TECPR2: variants seen among roughly 807,000 people sequenced by gnomAD.
TECPR2 encodes tectonin beta-propeller repeat-containing protein 2.
TECPR2 carries 65 observed loss-of-function variants against 138.1 expected under a neutral mutation model. The ratio of observed to expected loss-of-function variants is 0.47; its 90% confidence interval spans 0.39 to 0.58. The LOEUF is 0.58. Among genes scored for constraint, TECPR2 ranks in the 20% least tolerant of loss-of-function variants. TECPR2 has a pLI of 0.00. For missense variants in TECPR2, 1,553 were observed against 1,824.5 expected (o/e 0.85, Z 2.71); for synonymous variants, 746 against 749.8 (o/e 0.99, Z 0.08).
Position 102,401,019 on chromosome 14 carries a change from T to A in TECPR2, c.220-6319T>A, listed in dbSNP as rs369958369. Reference sequence around the variant, plus strand: ...TTGCACTCCAGCCTGGGCAACAGAGTGAGACTCGTCGCAAAAAAAAAGGAA... The same window carrying A: ...TTGCACTCCAGCCTGGGCAACAGAGAGAGACTCGTCGCAAAAAAAAAGGAA... On this transcript the variant is annotated intron_variant, in intron 2 of 19. Transcript: ENST00000359520. 8.2e-5 allele frequency among the ~76,000 whole-genome samples: 12 copies of A among 146,780 alleles called. 1 individual carries two copies. The highest frequency in any genetic ancestry group is 4.2e-4 in the East Asian group (2 of 4,762).
intron 17 of TECPR2, among the ~76,000 whole-genome samples, chr14:102,485,112 C>G (rs1217700835): frequency 6.6e-6 from 1 of 152,252 alleles, no homozygotes; most frequent in Non-Finnish European, 1.5e-5. Context: ...GCGCTGAGCA[C>G]CATGGTGCAG....
intron 12 of TECPR2, among the ~76,000 whole-genome samples, chr14:102,445,374 G>T (rs1371658119): frequency 1.3e-5 from 2 of 150,188 alleles, no homozygotes; most frequent in Admixed American, 1.3e-4. Flanking sequence ...CCTTGGATTG[G>T]CGGGGGAAGG....
intron 1 of TECPR2, among the ~76,000 whole-genome samples, chr14:102,366,106 C>T (rs2139644873): frequency 6.6e-6 from 1 of 152,210 alleles, no homozygotes; most frequent in East Asian, 1.9e-4. Context: ...TATTGTACAG[C>T]GAAGTGGATG....
At chr14:102,374,165 T>A (rs1193586817) in intron 1 of TECPR2, among the ~76,000 whole-genome samples, 1 of 151,990 alleles carries the variant, frequency 6.6e-6, no homozygotes, top group African/African-American at 2.4e-5. Flanking sequence ...ATTCCAGCAT[T>A]GAATTGGGGT....
chr14:102,483,941 C>T (rs1265197390), intron 17 of TECPR2, among the ~76,000 whole-genome samples: 1 of 104,004 alleles, frequency 9.6e-6, no homozygotes, highest in Non-Finnish European at 2.0e-5. Context: ...GGATTATAGG[C>T]ACCTGCCACC....
intron 7 of TECPR2, among the ~76,000 whole-genome samples, chr14:102,431,422 A>C (rs1413732681): frequency 6.8e-6 from 1 of 146,354 alleles, no homozygotes; most frequent in Admixed American, 7.1e-5. Context: ...GGCTCACTGC[A>C]AGCTTTGCCT....
chr14:102,369,910 G>A (rs1287901357), intron 1 of TECPR2, among the ~76,000 whole-genome samples: 4 of 151,854 alleles, frequency 2.6e-5, no homozygotes, highest in Admixed American at 2.0e-4. Context: ...AGCCGAGATC[G>A]CATCACTGTA....
chr14:102,376,908 C>G lies in TECPR2; in HGVS notation c.187C>G (p.His63Asp). The G allele has an allele frequency of 1.2e-6, 2 of 1,614,110 alleles. No individual in the cohort carries two copies. Among genetic ancestry groups the G allele is most frequent in the East Asian group, 4.5e-5 (2 of 44,876 alleles). The change falls in exon 2 of 20, where the codon CAC (histidine) becomes GAC (aspartate). Residue 63 changes from histidine (H) to aspartate (D), a missense_variant. Physicochemically the swap from His to Asp is moderately conservative, Grantham distance 81. Transcript: ENST00000359520. ...CGGCATGCTCTATCTGTACTGCCGG[C>G]ACCTCAACCAGATGAGGAAGTACAA... Reference protein sequence around the residue: ...SIGMLYLYCRHLNQMRKYNFE... With the variant: ...SIGMLYLYCRDLNQMRKYNFE...
At chr14:102,458,899 TG>T (rs1413861458) in intron 16 of TECPR2, among the ~76,000 whole-genome samples, 1 of 149,796 alleles carries the variant, frequency 6.7e-6, no homozygotes, top group Non-Finnish European at 1.5e-5. Context: ...TGCTTGAGCC[TG>T]GGAAGCTGAG....
chr14:102,401,654 A>C (rs1279827652), intron 2 of TECPR2, among the ~76,000 whole-genome samples: 2 of 147,010 alleles, frequency 1.4e-5, no homozygotes, highest in African/African-American at 5.0e-5. Flanking sequence ...AATACAAAAA[A>C]ATTAGCCATG....
chr14:102,437,213 A>G (rs1889691502), intron 9 of TECPR2: 1 of 980,170 alleles, frequency 1.0e-6, no homozygotes, highest in South Asian at 4.7e-5. Flanking sequence ...ATTGAAAAGT[A>G]TTAAAGTACA....
Position 102,415,648 on chromosome 14 carries a change from G to T in TECPR2, c.638+855G>T, listed in dbSNP as rs1248901006. Among the ~76,000 whole-genome samples, 1 of 152,096 alleles carries T rather than the reference G, an allele frequency of 6.6e-6. No homozygotes were observed. Among genetic ancestry groups the T allele is most frequent in the Non-Finnish European group, 1.5e-5 (1 of 68,010 alleles). On this transcript the variant is annotated intron_variant, in intron 5 of 19. Transcript: ENST00000359520. This position sits in a 1 kb window ranked among gnomAD's most constrained non-coding sequence, Gnocchi z 4.3. ...GGTAGACTGGGGCCAACGTGGGGGT[G>T]GGAAGCAGAGGGCGGCATTAGTACA... is the stretch of plus-strand genomic sequence containing the variant.
chr14:102,383,997 T>C (rs1228844032), intron 2 of TECPR2, among the ~76,000 whole-genome samples: 2 of 151,134 alleles, frequency 1.3e-5, no homozygotes. Context: ...CTCGGCTCAC[T>C]GCAAACTCTG....
chr14:102,421,933 A>T (rs1338350616), intron 5 of TECPR2, among the ~76,000 whole-genome samples: 1 of 152,204 alleles, frequency 6.6e-6, no homozygotes, highest in African/African-American at 2.4e-5. Flanking sequence ...AGTATTTGGG[A>T]GAAGGAATCA....
intron 17 of TECPR2, among the ~76,000 whole-genome samples, chr14:102,467,558 C>A (rs1890572545): frequency 1.3e-5 from 2 of 152,050 alleles, no homozygotes; most frequent in South Asian, 4.1e-4. Context: ...CTCCTGACCT[C>A]AGGTAATCCA....
chr14:102,428,244 T>TG lies in TECPR2; in HGVS notation c.952-5dup. ...TTTGTTTTTTTTTTTTTTTTTTTTTTGACAGGCCACAGTTGCTGGTTTGGA... is the reference window on the plus strand; with the variant it reads ...TTTGTTTTTTTTTTTTTTTTTTTTTTGGACAGGCCACAGTTGCTGGTTTGGA... On this transcript the variant is annotated splice_polypyrimidine_tract_variant and splice_region_variant and intron_variant, in intron 6 of 19. Transcript: ENST00000359520. The TG allele has an allele frequency of 7.4e-7, 1 of 1,350,742 alleles. No homozygotes were observed. The highest frequency in any genetic ancestry group is 9.8e-7 in the Non-Finnish European group (1 of 1,019,606). The allele number at this position is 1,350,742 out of a possible 1,614,324, so 83.7% of individuals were successfully genotyped here. A position where few individuals can be genotyped will look rare whatever the true frequency, so the allele number is the denominator to read the frequency against.
At chr14:102,373,783 T>A (rs1317522841) in intron 1 of TECPR2, among the ~76,000 whole-genome samples, 1 of 152,140 alleles carries the variant, frequency 6.6e-6, no homozygotes, top group South Asian at 2.1e-4. Flanking sequence ...GACTGTCAGA[T>A]GAAATGGGAA....
intron 4 of TECPR2, 61 bp from the exon 5 acceptor site, chr14:102,414,575 A>G (rs1243175890): frequency 6.3e-7 from 1 of 1,596,432 alleles, no homozygotes; most frequent in East Asian, 2.2e-5. Context: ...GACTTGTCCT[A>G]AGGGAGGTCC....
intron 6 of TECPR2, among the ~76,000 whole-genome samples, chr14:102,427,850 C>T (rs999664303): frequency 6.6e-6 from 1 of 152,174 alleles, no homozygotes; most frequent in African/African-American, 2.4e-5. Flanking sequence ...GGCTGCTTCT[C>T]ACAGAGGTGG....
Sources: allele counts gnomAD v4.1 joint callset (sites outside exome capture counted in the v4.1 genomes callset), GRCh38; gene constraint gnomAD v4.1.1; non-coding constraint Gnocchi (gnomAD v3.1); transcripts MANE v1.5; gene names NCBI Gene and HGNC (gene_info 2026-07-23, HGNC 2026-07-21).